Variants in GPHN observed in about 807,000 individuals in gnomAD.
The protein encoded by GPHN is gephyrin.
A neutral mutation model predicts 95.5 loss-of-function variants in GPHN; 17 were observed. The observed-to-expected ratio is 0.18, with a 90% CI of 0.12 to 0.27. The LOEUF is 0.27. Among genes scored for constraint, GPHN ranks in the 10% least tolerant of loss-of-function variants. The pLI is 1.00. For missense variants in GPHN, 660 were observed against 978.1 expected (o/e 0.67, Z 4.34); for synonymous variants, 320 against 322.5 (o/e 0.99, Z 0.08).
intron 2 of GPHN, among the ~76,000 whole-genome samples, chr14:66,689,424 T>C (rs1407355002): frequency 1.3e-5 from 2 of 152,212 alleles, no homozygotes; most frequent in African/African-American, 4.8e-5. Flanking sequence ...TGGTGAATTA[T>C]CTTTTTAATA....
chr14:66,695,237 C>T (rs746889663), intron 2 of GPHN, among the ~76,000 whole-genome samples: 10 of 152,074 alleles, frequency 6.6e-5, no homozygotes, highest in Non-Finnish European at 1.5e-4. Flanking sequence ...ACAAACACCT[C>T]ACCAAAGAAG....
At chr14:66,660,260 A>G (rs560374614) in intron 1 of GPHN, among the ~76,000 whole-genome samples, 112 of 152,302 alleles carry the variant, frequency 7.4e-4, no homozygotes, top group African/African-American at 2.3e-3. Flanking sequence ...GTGAGAGTCT[A>G]TAATAGTTTC....
chr14:66,622,772 C>T (rs1442178918), intron 1 of GPHN, among the ~76,000 whole-genome samples: 2 of 152,148 alleles, frequency 1.3e-5, no homozygotes, highest in African/African-American at 4.8e-5. Flanking sequence ...TCCTCATCTC[C>T]TTGTGAGACC....
At chr14:66,651,012 C>T (rs2065014939) in intron 1 of GPHN, among the ~76,000 whole-genome samples, 1 of 152,136 alleles carries the variant, frequency 6.6e-6, no homozygotes, top group Non-Finnish European at 1.5e-5. Context: ...CCTTAACTCA[C>T]ATCTGTTTGC....
chr14:66,962,097 G>A (rs2068992696), intron 8 of GPHN, among the ~76,000 whole-genome samples: 1 of 149,878 alleles, frequency 6.7e-6, no homozygotes, highest in African/African-American at 2.4e-5. Context: ...CTTACCTCCA[G>A]TTTTTTTCTT....
chr14:67,316,846 C>A, the GPHN span: 22 of 1,611,240 alleles, frequency 1.4e-5, no homozygotes, highest in Non-Finnish European at 1.8e-5. Context: ...AAGCTTTCAG[C>A]AGCAAAGGGA....
At chr14:66,778,328 C>G (rs2059463650) in intron 3 of GPHN, among the ~76,000 whole-genome samples, 1 of 152,138 alleles carries the variant, frequency 6.6e-6, no homozygotes, top group Admixed American at 6.5e-5. Flanking sequence ...TAGTAACAGT[C>G]TTTTAGTACA....
chr14:67,574,419 G>A, the GPHN span: 4 of 1,509,554 alleles, frequency 2.6e-6, no homozygotes, highest in African/African-American at 5.6e-5. The surrounding 1 kb of genome is among the most constrained non-coding windows in gnomAD (Gnocchi z 4.2). Flanking sequence ...GGGTGGGGCT[G>A]ATAGGGCAGG....
At chr14:67,230,678 A>C in the GPHN span, among the ~76,000 whole-genome samples, 1 of 152,240 alleles carries the variant, frequency 6.6e-6, no homozygotes, top group Non-Finnish European at 1.5e-5. Flanking sequence ...TTTTGTTCAT[A>C]ATAGCAAAAA....
chr14:66,697,663 C>CTTTTTTT lies in GPHN; in HGVS notation c.143+16484_143+16490dup, dbSNP rs762556511. On this transcript the variant is annotated intron_variant, in intron 2 of 22. Coordinates refer to ENST00000478722, the MANE Select transcript of GPHN (RefSeq NM_020806.5). ...AGGTCAAATCTGGCCTGCTACTTGC[C>CTTTTTTT]TTTTTTTTTTTTCTTTTTTCTTTTT... Among the ~76,000 whole-genome samples the CTTTTTTT allele has an allele frequency of 1.1e-4, 15 of 136,308 alleles. No homozygotes were observed. In the East Asian group the frequency reaches 2.3e-3, roughly 21 times the overall value. The allele number at this position is 136,308 out of a possible 152,430, so 89.4% of individuals were successfully genotyped here. A position where few individuals can be genotyped will look rare whatever the true frequency, so the allele number is the denominator to read the frequency against.
At chr14:67,098,841 AAGAG>A (rs905420568) in intron 12 of GPHN, among the ~76,000 whole-genome samples, 2 of 151,838 alleles carry the variant, frequency 1.3e-5, no homozygotes, top group African/African-American at 4.8e-5. Flanking sequence ...AAAAAAGAAA[AAGAG>A]AGAGAGAAAA....
At chr14:66,802,353 C>T (rs2060386948) in intron 3 of GPHN, among the ~76,000 whole-genome samples, 1 of 152,158 alleles carries the variant, frequency 6.6e-6, no homozygotes, top group South Asian at 2.1e-4. Flanking sequence ...TGAACTCACC[C>T]TTCAGGGGAG....
the GPHN span, chr14:67,201,306 A>C: frequency 2.9e-6 from 1 of 350,680 alleles, no homozygotes; most frequent in African/African-American, 2.2e-5. Flanking sequence ...AAAACAAACA[A>C]ATAAATATTT....
At chr14:67,392,736 G>A in the GPHN span, 18 of 1,613,994 alleles carry the variant, frequency 1.1e-5, no homozygotes, top group African/African-American at 1.1e-4. Context: ...CCCATGCTTC[G>A]GACACCCACA....
chr14:66,898,260 A>G (rs2064955771), intron 5 of GPHN, among the ~76,000 whole-genome samples: 1 of 151,782 alleles, frequency 6.6e-6, no homozygotes, highest in African/African-American at 2.4e-5. Context: ...TTTTTGATGT[A>G]AAGTCTAAGC....
At chr14:66,826,894 A>G (rs1395211258) in intron 4 of GPHN, among the ~76,000 whole-genome samples, 1 of 152,112 alleles carries the variant, frequency 6.6e-6, no homozygotes. Flanking sequence ...AATGCTCATA[A>G]TAACTTAGTC....
chr14:67,619,525 C>T, the GPHN span, among the ~76,000 whole-genome samples: 1 of 152,258 alleles, frequency 6.6e-6, no homozygotes, highest in Non-Finnish European at 1.5e-5. Context: ...AGACCAGGCC[C>T]GACCCAGCCA....
the GPHN span, among the ~76,000 whole-genome samples, chr14:67,574,999 G>A: frequency 6.6e-5 from 10 of 152,174 alleles, no homozygotes; most frequent in African/African-American, 1.4e-4. This position sits in a 1 kb window ranked among gnomAD's most constrained non-coding sequence, Gnocchi z 4.2. Flanking sequence ...TCCTTCGCCC[G>A]TGTGCAGCTT....
the GPHN span, chr14:67,570,967 C>T: frequency 6.6e-6 from 1 of 152,224 alleles, no homozygotes; most frequent in Non-Finnish European, 1.5e-5. Context: ...TGTGATCCGC[C>T]TGCCTCAGCC....
Sources: allele counts gnomAD v4.1 joint callset (sites outside exome capture counted in the v4.1 genomes callset), GRCh38; gene constraint gnomAD v4.1.1; non-coding constraint Gnocchi (gnomAD v3.1); transcripts MANE v1.5; gene names NCBI Gene and HGNC (gene_info 2026-07-23, HGNC 2026-07-21).